The following RCBTB1 variants were observed in gnomAD, a reference collection of about 807,000 sequenced individuals.
RCBTB1 encodes RCC1 and BTB domain containing protein 1.
A neutral mutation model predicts 62.4 loss-of-function variants in RCBTB1; 46 were observed. That is an observed-to-expected ratio of 0.74 (90% CI 0.58 to 0.94). The LOEUF (loss-of-function observed/expected upper bound fraction) is 0.94. RCBTB1 is among the 40% of genes least tolerant of loss of function. RCBTB1 has a pLI of 0.00. For synonymous variants in RCBTB1, 222 were observed against 245.8 expected, an observed-to-expected ratio of 0.90 and a Z score of 0.91; for missense variants, 565 against 654.9, an observed-to-expected ratio of 0.86 and a Z score of 1.50.
intron 8 of RCBTB1, chr13:49,550,497 A>C (rs1291545854): frequency 1.3e-6 from 1 of 767,206 alleles, no homozygotes; most frequent in African/African-American, 1.8e-5. Context: ...CCTTACAATT[A>C]GGCTGAACAA....
intron 4 of RCBTB1, among the ~76,000 whole-genome samples, chr13:49,564,207 T>C (rs1373101610): frequency 6.6e-6 from 1 of 152,076 alleles, no homozygotes; most frequent in Non-Finnish European, 1.5e-5. Context: ...GGCAACTACA[T>C]GAATGCCAGA....
rs1959742495 is a variant in RCBTB1 at position 49,534,056 on chromosome 13, G to A, written c.*66C>T. ...CCTGCAGAATCACATCACCCGTAGA[G>A]CACAAACTGGACACATCCTCAACAG... On this transcript the variant is annotated 3_prime_UTR_variant, in exon 13 of 13. Transcript: ENST00000378302. 6.5e-6 allele frequency: 10 copies of A among 1,528,070 alleles called. No individual in the cohort carries two copies. Among genetic ancestry groups the A allele is most frequent in the Non-Finnish European group, 8.9e-6 (10 of 1,126,816 alleles). The allele number at this position is 1,528,070 out of a possible 1,614,324, so 94.7% of individuals were successfully genotyped here.
At position 49,555,566 on chromosome 13, in the gene RCBTB1, A is replaced by G. The variant is rs1025102959; in HGVS notation, c.552T>C (p.Val184=). Residue 184 remains valine (V), a synonymous_variant, in exon 6 of 13, where the codon GTT becomes GTC. Coordinates refer to ENST00000378302, the MANE Select transcript of RCBTB1 (RefSeq NM_018191.4). ...VTNCLHIKRV[V]GIACGQTSSM... ...ATGAAGTCTGACCACAGGCAATGCC[A>G]ACTACCCTCTTAATATGTAAACAGT... is the stretch of plus-strand genomic sequence containing the variant. 46 of 1,613,878 alleles carry G rather than the reference A, an allele frequency of 2.9e-5. No individual in the cohort carries two copies. The highest frequency in any genetic ancestry group is 3.5e-5 in the Non-Finnish European group (41 of 1,179,850).
intron 4 of RCBTB1, among the ~76,000 whole-genome samples, chr13:49,561,118 G>T (rs1358407028): frequency 6.6e-6 from 1 of 152,126 alleles, no homozygotes; most frequent in East Asian, 1.9e-4. Flanking sequence ...CCAAGGGCAG[G>T]TCTCCCAGAG....
rs747449499 is a variant in RCBTB1 at position 49,566,700 on chromosome 13, G to T, written c.195C>A (p.Pro65=). The T allele has an allele frequency of 2.5e-6, 4 of 1,613,806 alleles. No homozygotes were observed. The East Asian group carries it at 6.7e-5, about 27-fold the overall frequency. ...TTCCACATAAGCCTTCTAGCTTTTT[G>T]GGTACAAGTGTACTCTGGTTATCTC... is the stretch of plus-strand genomic sequence containing the variant. The part of the protein sequence containing the change: ...GTGDNQSTLV[P]KKLEGLCGKK... The change falls in exon 4 of 13, where the codon CCC becomes CCA. Residue 65 remains proline, a synonymous_variant. Coordinates refer to ENST00000378302, the MANE Select transcript of RCBTB1 (RefSeq NM_018191.4).
intron 9 of RCBTB1, among the ~76,000 whole-genome samples, chr13:49,548,346 G>A (rs1159409775): frequency 1.4e-5 from 2 of 148,064 alleles, no homozygotes; most frequent in Admixed American, 1.4e-4. Context: ...CCGAGATCGC[G>A]CCATTGCACC....
At chr13:49,556,705 C>A (rs1278635664) in intron 5 of RCBTB1, among the ~76,000 whole-genome samples, 1 of 152,120 alleles carries the variant, frequency 6.6e-6, no homozygotes, top group East Asian at 1.9e-4. Context: ...ACAGTAGAGC[C>A]CTCTGGTATA....
rs867021696 is a variant in RCBTB1, at chr13:49,549,069, T to C, written c.1045+389A>G. ...ATCTCTTGAACTCGGGAGGTGGAGG[T>C]TGCAGTGAGCCGAGATTGCACCACT... is the stretch of plus-strand genomic sequence containing the variant. On this transcript the variant is annotated intron_variant, in intron 9 of 12. Coordinates refer to ENST00000378302, the MANE Select transcript of RCBTB1 (RefSeq NM_018191.4). Among the ~76,000 whole-genome samples, 20 of 95,308 alleles carry C rather than the reference T, an allele frequency of 2.1e-4. 3 individuals are homozygous for C. In the South Asian group the frequency reaches 2.4e-3, roughly 12 times the overall value. The allele number at this position is 95,308 out of a possible 152,430, so 62.5% of individuals were successfully genotyped here. A position where few individuals can be genotyped will look rare whatever the true frequency, so the allele number is the denominator to read the frequency against.
intron 5 of RCBTB1, among the ~76,000 whole-genome samples, chr13:49,557,350 A>C (rs1192410023): frequency 2.0e-5 from 3 of 152,174 alleles, no homozygotes; most frequent in African/African-American, 7.2e-5. Flanking sequence ...AGGAACAAAA[A>C]GGCAAAGGAA....
chr13:49,557,214 A>G (rs1349925067), intron 5 of RCBTB1, among the ~76,000 whole-genome samples: 3 of 152,258 alleles, frequency 2.0e-5, no homozygotes, highest in Non-Finnish European at 4.4e-5. Context: ...CAGAGAGGAC[A>G]GCAAAGCAAG....
chr13:49,540,121 C>T (rs962523814), intron 12 of RCBTB1, among the ~76,000 whole-genome samples: 3 of 152,200 alleles, frequency 2.0e-5, no homozygotes, highest in Admixed American at 2.0e-4. Context: ...CAACCATACC[C>T]GCCTTCAGCT....
chr13:49,564,533 C>G (rs1344233448), intron 4 of RCBTB1, among the ~76,000 whole-genome samples: 1 of 138,272 alleles, frequency 7.2e-6, no homozygotes, highest in African/African-American at 2.8e-5. Flanking sequence ...TTGAGTGGGC[C>G]GAGATCATGC....
At chr13:49,573,922 T>TAG (rs1963588931) in intron 2 of RCBTB1, among the ~76,000 whole-genome samples, 1 of 148,656 alleles carries the variant, frequency 6.7e-6, no homozygotes, top group South Asian at 2.1e-4. Flanking sequence ...TAGCTGGAAT[T>TAG]ACAGGTGTAC....
chr13:49,564,172 C>T (rs74585440), intron 4 of RCBTB1, among the ~76,000 whole-genome samples: 5 of 152,192 alleles, frequency 3.3e-5, no homozygotes, highest in Non-Finnish European at 5.9e-5. Flanking sequence ...AACCTATCAA[C>T]CTGCATCCCC....
At chr13:49,579,820 C>G (rs531950460) in intron 2 of RCBTB1, among the ~76,000 whole-genome samples, 1 of 152,272 alleles carries the variant, frequency 6.6e-6, no homozygotes, top group South Asian at 2.1e-4. Context: ...TCTGATTGTG[C>G]CTACCCTTTG....
intron 4 of RCBTB1, among the ~76,000 whole-genome samples, chr13:49,561,105 G>A (rs564211852): frequency 6.6e-6 from 1 of 152,296 alleles, no homozygotes; most frequent in African/African-American, 2.4e-5. Context: ...GCACCCCCGA[G>A]TGCCAAGGGC....
At chr13:49,560,212 T>A (rs2139233458) in intron 4 of RCBTB1, 128 bp from the exon 5 acceptor site, 1 of 975,174 alleles carries the variant, frequency 1.0e-6, no homozygotes, top group Non-Finnish European at 1.5e-6. Context: ...TCCTCTCTAT[T>A]AAGTAACCAT....
chr13:49,561,365 A>G (rs1962418900), intron 4 of RCBTB1, among the ~76,000 whole-genome samples: 2 of 152,226 alleles, frequency 1.3e-5, no homozygotes, highest in Non-Finnish European at 2.9e-5. Context: ...TGTGGCTCAC[A>G]AGAGCCATTC....
intron 12 of RCBTB1, among the ~76,000 whole-genome samples, chr13:49,535,751 G>A (rs188600960): frequency 2.9e-4 from 44 of 152,258 alleles, no homozygotes; most frequent in African/African-American, 9.1e-4. Flanking sequence ...CAGGCCAGGC[G>A]TGGTGGCTCA....
Sources: gnomAD v4.1 joint callset for allele counts (sites outside exome capture counted in the v4.1 genomes callset) on GRCh38, gnomAD v4.1.1 for gene constraint, MANE v1.5 for transcripts, NCBI Gene and HGNC (gene_info 2026-07-23, HGNC 2026-07-21) for gene names.